Variants in FFAR1 observed in about 807,000 individuals in gnomAD.
FFAR1 encodes free fatty acid receptor 1.
For synonymous variants in FFAR1, 216 were observed against 201.5 expected, an observed-to-expected ratio of 1.07 and a Z score of -0.61; for missense variants, 424 against 396.2, an observed-to-expected ratio of 1.07 and a Z score of -0.60.
At chr19:35,348,186 G>A (rs544891798), upstream of FFAR1, among the ~76,000 whole-genome samples, 10 of 152,296 alleles carry the variant, frequency 6.6e-5, no homozygotes, top group East Asian at 9.6e-4. Context: ...CTCAGTACCC[G>A]GACGGTAACT....
At chr19:35,349,613 G>A (rs1285708606), upstream of FFAR1, among the ~76,000 whole-genome samples, 3 of 152,228 alleles carry the variant, frequency 2.0e-5, no homozygotes, top group Non-Finnish European at 4.4e-5. Flanking sequence ...GAGGGAGTTA[G>A]TGATAGGCTG....
chr19:35,352,396 GT>G lies in FFAR1; in HGVS notation c.846del (p.Pro283LeufsTer3). ...CTGGTGACCGGTTACTTGGGAAGGG[GT>G]CCTGGCCTGAAGACAGTGTGTGCGG... is the stretch of plus-strand genomic sequence containing the variant. On this transcript the variant is annotated frameshift_variant, in exon 1 of 1. Transcript: ENST00000246553. LOFTEE classifies it low-confidence loss of function (END_TRUNC). 1 of 1,554,470 alleles carries G rather than the reference GT, an allele frequency of 6.4e-7. No individual in the cohort carries two copies. Among genetic ancestry groups the G allele is most frequent in the South Asian group, 1.2e-5 (1 of 84,314 alleles).
At chr19:35,352,725 C>T in exon 1 of FFAR1, 1 of 525,942 alleles carries the variant, frequency 1.9e-6, no homozygotes, top group Non-Finnish European at 3.4e-6. Context: ...CCCCTCTGCA[C>T]GTCCTCACCT....
At chr19:35,349,751 G>C (rs1024177663), upstream of FFAR1, among the ~76,000 whole-genome samples, 14 of 152,176 alleles carry the variant, frequency 9.2e-5, no homozygotes, top group Non-Finnish European at 2.1e-4. Flanking sequence ...ATACACGCCT[G>C]AGAAAACTGA....
exon 1 of FFAR1, chr19:35,352,653 G>T (rs980815912): frequency 3.2e-6 from 2 of 620,810 alleles, no homozygotes; most frequent in African/African-American, 3.7e-5. Flanking sequence ...GGTGGCAGGG[G>T]GAGGTAAGTT....
chr19:35,351,131 C>T (rs562734694), upstream of FFAR1, among the ~76,000 whole-genome samples: 164 of 152,318 alleles, frequency 1.1e-3, no homozygotes, highest in African/African-American at 3.7e-3. Context: ...AGGAGTCAAA[C>T]TCCCATTCCC....
At chr19:35,352,186 C>G (rs1296195202) in exon 1 of FFAR1, 1 of 1,603,574 alleles carries the variant, frequency 6.2e-7, no homozygotes, top group African/African-American at 1.3e-5. Context: ...CTGGCCCGCT[C>G]CGGCCTGACG....
exon 1 of FFAR1, chr19:35,351,682 A>G (rs1339331282): frequency 1.9e-6 from 3 of 1,560,636 alleles, no homozygotes; most frequent in Middle Eastern, 1.7e-4. Context: ...AGCCTGGTCT[A>G]CGCCCTGAAC....
upstream of FFAR1, among the ~76,000 whole-genome samples, chr19:35,350,833 C>T (rs2066941183): frequency 6.6e-6 from 1 of 152,194 alleles, no homozygotes; most frequent in African/African-American, 2.4e-5. Flanking sequence ...CTGGCAGCAC[C>T]AGGAGGTGGG....
chr19:35,352,893 G>GAGGAGGC (rs982955128), exon 1 of FFAR1: 22 of 212,714 alleles, frequency 1.0e-4, no homozygotes, highest in Admixed American at 2.1e-4. Context: ...CCGAGTAGGA[G>GAGGAGGC]AGGAGGCAGG....
exon 1 of FFAR1, chr19:35,351,633 C>G (rs1396342095): frequency 6.5e-7 from 1 of 1,544,652 alleles, no homozygotes; most frequent in Non-Finnish European, 8.7e-7. Flanking sequence ...CCTGGCCATC[C>G]GAGGCGCGAC....
upstream of FFAR1, among the ~76,000 whole-genome samples, chr19:35,347,926 C>G (rs2066927429): frequency 6.6e-6 from 1 of 151,674 alleles, no homozygotes; most frequent in Admixed American, 6.6e-5. Flanking sequence ...ATTCGAGGTC[C>G]TCTGCACCCG....
chr19:35,351,906 A>G, exon 1 of FFAR1: 1 of 1,613,910 alleles, frequency 6.2e-7, no homozygotes, highest in Non-Finnish European at 8.5e-7. Flanking sequence ...AGCCTTCCGG[A>G]GGCCGTGCTA....
chr19:35,350,107 C>T (rs1377525194), upstream of FFAR1, among the ~76,000 whole-genome samples: 1 of 152,142 alleles, frequency 6.6e-6, no homozygotes, highest in Non-Finnish European at 1.5e-5. Context: ...GCTTGGACAT[C>T]TGTGCCACCC....
chr19:35,351,938 C>T (rs768018228), exon 1 of FFAR1: 2 of 1,614,132 alleles, frequency 1.2e-6, no homozygotes, highest in Non-Finnish European at 1.7e-6. Flanking sequence ...TGTGCGCGGC[C>T]ATCTGGGCCC....
exon 1 of FFAR1, chr19:35,352,074 G>T: frequency 6.2e-7 from 1 of 1,613,432 alleles, no homozygotes; most frequent in East Asian, 2.2e-5. Context: ...GGAGGCCTGG[G>T]ACCCGGCCTC....
At chr19:35,349,517 C>T (rs1256773488), upstream of FFAR1, among the ~76,000 whole-genome samples, 3 of 152,236 alleles carry the variant, frequency 2.0e-5, no homozygotes, top group African/African-American at 7.2e-5. Context: ...GCGGGCGCTG[C>T]ACCCCAGGTG....
chr19:35,351,823 A>T, exon 1 of FFAR1: 1 of 1,609,840 alleles, frequency 6.2e-7, no homozygotes, highest in Non-Finnish European at 8.5e-7. Context: ...TTCCCACTCT[A>T]TGCCGGCGGG....
chr19:35,351,464 C>T (rs1395399174), upstream of FFAR1: 3 of 1,202,064 alleles, frequency 2.5e-6, no homozygotes, highest in African/African-American at 4.5e-5. Context: ...CGAGTGATCC[C>T]AGGAGCCCCT....
Sources: allele counts gnomAD v4.1 joint callset (sites outside exome capture counted in the v4.1 genomes callset), GRCh38; gene constraint gnomAD v4.1.1; transcripts MANE v1.5; gene names NCBI Gene and HGNC (gene_info 2026-07-23, HGNC 2026-07-21).